The following CFAP65 variants were observed in gnomAD, a reference collection of about 807,000 sequenced individuals.
The protein encoded by CFAP65 is cilia and flagella associated protein 65.
In CFAP65, 155 loss-of-function variants were observed where a neutral mutation model predicts 208.0. The ratio of observed to expected loss-of-function variants is 0.75; its 90% CI spans 0.65 to 0.85. The LOEUF is 0.85. Among genes scored for constraint, CFAP65 ranks in the 40% least tolerant of loss-of-function variants. CFAP65 has a pLI of 0.00. For synonymous variants in CFAP65, 970 were observed against 986.3 expected (o/e 0.98, Z 0.31); for missense variants, 2,294 against 2,451.3 (o/e 0.94, Z 1.36).
chr2:219,005,468 G>C lies in CFAP65; in HGVS notation c.5017C>G (p.Gln1673Glu), dbSNP rs1416671915. 5.6e-6 allele frequency: 9 copies of C among 1,613,676 alleles called. No individual in the cohort carries two copies. Among genetic ancestry groups the C allele is most frequent in the Non-Finnish European group, 7.6e-6 (9 of 1,179,972 alleles). Residue 1673 changes from glutamine to glutamate, a missense_variant, in exon 32 of 35, where the codon CAG (glutamine) becomes GAG (glutamate). Physicochemically the swap from Gln to Glu is conservative, Grantham distance 29. Around this residue, in one of 2 missense-constraint regions of CFAP65, gnomAD observed 1,427 missense variants for 1,438.7 expected, o/e 0.99. Transcript: ENST00000341552. ...KWGPVSKQKK[Q>E]LLVDILTTII... ...GTGGTGAGAATGTCAACCAGGAGCT[G>C]CTTCTTCTGCTTGGAAACAGGGCCC...
rs1170134575 is a variant in CFAP65 at position 219,013,283 on chromosome 2, A to C, written c.3933T>G (p.Ile1311Met). 1 of 1,613,812 alleles carries C rather than the reference A, an allele frequency of 6.2e-7. No individual in the cohort carries two copies. The highest frequency in any genetic ancestry group is 2.2e-5 in the East Asian group (1 of 44,884). ...STTHQFIPIP[I>M]GDTLPPRQIY... The stretch of plus-strand genomic sequence containing the variant: ...CCTGCCGTGGGGGTAGCGTGTCACC[A>C]ATGGGAATGGGGATGAACTGGTGGG... The change falls in exon 24 of 35, where the codon ATT becomes ATG. Residue 1311 changes from isoleucine to methionine, a missense_variant. Physicochemically the swap from Ile to Met is conservative, Grantham distance 10. This residue lies in a region of CFAP65 where 1,427 missense variants were observed against 1,438.7 expected (regional missense o/e 0.99). Transcript: ENST00000341552.
Position 219,027,986 on chromosome 2 carries a change from C to T in CFAP65, c.1875G>A (p.Pro625=), listed in dbSNP as rs1371061656. 2.4e-5 allele frequency: 36 copies of T among 1,518,202 alleles called. No homozygotes were observed. In the East Asian group the frequency reaches 4.1e-4, roughly 17 times the overall value. 94.0% of individuals were successfully genotyped at this position (1,518,202 alleles called of 1,614,324 possible). Residue 625 remains proline (P), a synonymous_variant, in exon 13 of 35, where the codon CCG becomes CCA. Coordinates refer to ENST00000341552, the MANE Select transcript of CFAP65 (RefSeq NM_194302.4). The stretch of plus-strand genomic sequence containing the variant: ...TCATGGGGGGGATATAAGGGTACTG[C>T]GGGGCCGGCATGTCCTCCAGATCCT... ...PIQDLEDMPA[P]QYPYIPPMTE... is the part of the protein sequence containing the mutation.
chr2:219,017,932 C>T (rs1047494187), intron 21 of CFAP65, among the ~76,000 whole-genome samples: 1 of 152,138 alleles, frequency 6.6e-6, no homozygotes, highest in Non-Finnish European at 1.5e-5. Flanking sequence ...CCCTCAGTTA[C>T]TCACAGTTCT....
chr2:219,024,238 C>G lies in CFAP65; in HGVS notation c.2372G>C (p.Gly791Ala). 6.2e-7 allele frequency: 1 copy of G among 1,613,168 alleles called. No homozygotes were observed. Among genetic ancestry groups the G allele is most frequent in the Non-Finnish European group, 8.5e-7 (1 of 1,179,822 alleles). The change falls in exon 15 of 35, where the codon GGT becomes GCT. Residue 791 changes from glycine (G) to alanine (A), a missense_variant. Physicochemically the swap from Gly to Ala is moderately conservative, Grantham distance 60. Around this residue, in one of 2 missense-constraint regions of CFAP65, gnomAD observed 1,427 missense variants for 1,438.7 expected, o/e 0.99. Transcript: ENST00000341552. ...GAGCAGGCTGCGGTAGGTGGGCTCA[C>G]CGGAGGACACTGCTGGAAATAGCTG... ...VPKLFPAVSS[G>A]EPTYRSLLLV...
chr2:219,033,758 A>C (rs1480949574), intron 5 of CFAP65: 1 of 152,122 alleles, frequency 6.6e-6, no homozygotes, highest in African/African-American at 2.4e-5. Context: ...CTCTATAACC[A>C]CTTCTGTTCA....
chr2:219,035,683 G>GAAGGGGGAGCAGA lies in CFAP65; in HGVS notation c.358-32_358-20dup. On this transcript the variant is annotated intron_variant, in intron 4 of 34. Transcript: ENST00000341552. Reference sequence around the variant, plus strand: ...TTGCGGGCTGTTCAGGTGGCAGGGAGAAGGGGGAGCAGAAAGGATGTATCA... The same window carrying GAAGGGGGAGCAGA: ...TTGCGGGCTGTTCAGGTGGCAGGGAGAAGGGGGAGCAGAAAGGGGGAGCAGAAAGGATGTATCA... The GAAGGGGGAGCAGA allele has an allele frequency of 6.3e-7, 1 of 1,598,868 alleles. No homozygotes were observed. The highest frequency in any genetic ancestry group is 8.5e-7 in the Non-Finnish European group (1 of 1,171,142).
At position 219,010,536 on chromosome 2, in the gene CFAP65, C is replaced by A; in HGVS notation, c.4308+10G>T. The A allele has an allele frequency of 6.2e-7, 1 of 1,605,618 alleles. No individual in the cohort carries two copies. Among genetic ancestry groups the A allele is most frequent in the South Asian group, 1.1e-5 (1 of 89,524 alleles). Reference sequence around the variant, plus strand: ...AAGGCCTCAGGCCTTCCTAGCTCCCCTTTCCCCACCTGTCCAGGCACCACC... The same window carrying A: ...AAGGCCTCAGGCCTTCCTAGCTCCCATTTCCCCACCTGTCCAGGCACCACC... On this transcript the variant is annotated intron_variant, in intron 26 of 34. Transcript: ENST00000341552.
chr2:219,007,889 G>A (rs1052316197), intron 29 of CFAP65, among the ~76,000 whole-genome samples: 3 of 151,044 alleles, frequency 2.0e-5, no homozygotes, highest in East Asian at 1.9e-4. Flanking sequence ...TATGATCTCC[G>A]CTCACTGCAA....
Position 219,010,097 on chromosome 2 carries a change from G to A in CFAP65, c.4309-12C>T, listed in dbSNP as rs779671815. The A allele has an allele frequency of 6.4e-7, 1 of 1,574,706 alleles. No homozygotes were observed. The highest frequency in any genetic ancestry group is 1.2e-5 in the South Asian group (1 of 85,668). On this transcript the variant is annotated splice_polypyrimidine_tract_variant and intron_variant, in intron 26 of 34. Coordinates refer to ENST00000341552, the MANE Select transcript of CFAP65 (RefSeq NM_194302.4). ...GACAGGAAGACATTCTGTGGGTGGA[G>A]AGCGGAGGTAAAGAAATAAGAACCG...
rs748501871 is a variant in CFAP65, at chr2:219,010,110, G to A, written c.4309-25C>T. On this transcript the variant is annotated intron_variant, in intron 26 of 34. Coordinates refer to ENST00000341552, the MANE Select transcript of CFAP65 (RefSeq NM_194302.4). The stretch of plus-strand genomic sequence containing the variant: ...TCTGTGGGTGGAGAGCGGAGGTAAA[G>A]AAATAAGAACCGGCCAGGCATGGTG... 23 of 1,562,276 alleles carry A rather than the reference G, an allele frequency of 1.5e-5. No homozygotes were observed. The Admixed American group carries it at 3.9e-4, about 27-fold the overall frequency.
chr2:219,013,853 G>T lies in CFAP65; in HGVS notation c.3779+15C>A, dbSNP rs201781037. ...TATGACTGGAAGTGCAGGGGGTTTG[G>T]GGGGTGGGGAACACCTGTATTTTAA... On this transcript the variant is annotated intron_variant, in intron 22 of 34. Coordinates refer to ENST00000341552, the MANE Select transcript of CFAP65 (RefSeq NM_194302.4). 4.6e-5 allele frequency: 72 copies of T among 1,574,062 alleles called. No individual in the cohort carries two copies. In the Middle Eastern group the frequency reaches 7.1e-4, roughly 16 times the overall value.
chr2:219,026,753 G>A, intron 13 of CFAP65: 1 of 985,100 alleles, frequency 1.0e-6, no homozygotes, highest in Non-Finnish European at 1.2e-6. Flanking sequence ...GGCTGTCAGT[G>A]GCTGTACTGG....
Position 219,004,221 on chromosome 2 carries a change from C to A in CFAP65, c.5286G>T (p.Glu1762Asp), listed in dbSNP as rs146675518. 2.5e-6 allele frequency: 4 copies of A among 1,614,070 alleles called. No homozygotes were observed. Among genetic ancestry groups the A allele is most frequent in the Non-Finnish European group, 3.4e-6 (4 of 1,180,026 alleles). ...CCTCTTCACCCTTCTCCTCCTCCCC[C>A]TCTTCCTTCTTTCCCAACCCTGGAT... ...EHYPGLGKKE[E>D]GEEEKGEEEE... Residue 1762 changes from glutamate to aspartate, a missense_variant, in exon 33 of 35, where the codon GAG becomes GAT. Coordinates refer to ENST00000341552, the MANE Select transcript of CFAP65 (RefSeq NM_194302.4). This position sits in a 1 kb window ranked among gnomAD's most constrained non-coding sequence, Gnocchi z 4.7.
chr2:219,019,205 A>G (rs1947107503), intron 20 of CFAP65, 26 bp from the exon 21 acceptor site: 1 of 1,596,258 alleles, frequency 6.3e-7, no homozygotes, highest in Admixed American at 1.7e-5. Flanking sequence ...AAAGGGGTTC[A>G]GAGATGGGGA....
At position 219,003,280 on chromosome 2, in the gene CFAP65, G is replaced by T; in HGVS notation, c.5556-8C>A. 3 of 1,525,970 alleles carry T rather than the reference G, an allele frequency of 2.0e-6. No homozygotes were observed. The highest frequency in any genetic ancestry group is 2.6e-6 in the Non-Finnish European group (3 of 1,134,408). 94.5% of individuals were successfully genotyped at this position (1,525,970 alleles called of 1,614,324 possible). ...TTGGCGAAGGCCGGGAGCCTGCGAG[G>T]GGGCGGGGGCTAGCATGAGGGCGGC... On this transcript the variant is annotated splice_polypyrimidine_tract_variant and splice_region_variant and intron_variant, in intron 33 of 34. Coordinates refer to ENST00000341552, the MANE Select transcript of CFAP65 (RefSeq NM_194302.4). The surrounding 1 kb of genome is among the most constrained non-coding windows in gnomAD (Gnocchi z 4.4).
At position 219,003,302 on chromosome 2, in the gene CFAP65, C is replaced by A. The variant is rs1041352803; in HGVS notation, c.5556-30G>T. 28 of 1,491,578 alleles carry A rather than the reference C, an allele frequency of 1.9e-5. 1 individual carries two copies. In the Middle Eastern group the frequency reaches 1.8e-3, roughly 96 times the overall value. The allele number at this position is 1,491,578 out of a possible 1,614,324, so 92.4% of individuals were successfully genotyped here. A position where few individuals can be genotyped will look rare whatever the true frequency, so the allele number is the denominator to read the frequency against. ...GAGGGGGCGGGGGCTAGCATGAGGGCGGCCGCAGTGCCCGCGCGCCTCCTC... is the reference window on the plus strand; with the variant it reads ...GAGGGGGCGGGGGCTAGCATGAGGGAGGCCGCAGTGCCCGCGCGCCTCCTC... On this transcript the variant is annotated intron_variant, in intron 33 of 34. Coordinates refer to ENST00000341552, the MANE Select transcript of CFAP65 (RefSeq NM_194302.4). The surrounding 1 kb of genome is among the most constrained non-coding windows in gnomAD (Gnocchi z 4.4).
chr2:219,032,606 T>C lies in CFAP65; in HGVS notation c.543-34A>G, dbSNP rs1948125135. 6.5e-7 allele frequency: 1 copy of C among 1,546,734 alleles called. No homozygotes were observed. Among genetic ancestry groups the C allele is most frequent in the South Asian group, 1.2e-5 (1 of 84,332 alleles). Reference sequence around the variant, plus strand: ...GAGAGCCGGTGGGGAGCACCTCAGATCAGGGCTCAGAACAACTGGAAGAGG... The same window carrying C: ...GAGAGCCGGTGGGGAGCACCTCAGACCAGGGCTCAGAACAACTGGAAGAGG... On this transcript the variant is annotated intron_variant, in intron 5 of 34. Transcript: ENST00000341552. This position sits in a 1 kb window ranked among gnomAD's most constrained non-coding sequence, Gnocchi z 5.5.
rs1559170930 is a variant in CFAP65 at position 219,040,507 on chromosome 2, C to A, written c.-3+12G>T. On this transcript the variant is annotated intron_variant, in intron 2 of 34. Coordinates refer to ENST00000341552, the MANE Select transcript of CFAP65 (RefSeq NM_194302.4). ...TGTGCTAGGCACCAGACAAGGCAGGCAAGGCTCCTACCTCCAATTGTGAAC... is the reference window on the plus strand; with the variant it reads ...TGTGCTAGGCACCAGACAAGGCAGGAAAGGCTCCTACCTCCAATTGTGAAC... 5.8e-6 allele frequency: 8 copies of A among 1,379,248 alleles called. No individual in the cohort carries two copies. The highest frequency in any genetic ancestry group is 8.1e-6 in the Non-Finnish European group (8 of 990,156). The allele number at this position is 1,379,248 out of a possible 1,614,324, so 85.4% of individuals were successfully genotyped here.
intron 14 of CFAP65, among the ~76,000 whole-genome samples, chr2:219,025,062 A>T (rs1670501478): frequency 1.3e-5 from 2 of 152,252 alleles, no homozygotes; most frequent in African/African-American, 4.8e-5. Context: ...GGCCAGCACC[A>T]GCTGAGAGCT....
Sources: gnomAD v4.1 joint callset for allele counts (sites outside exome capture counted in the v4.1 genomes callset) on GRCh38, gnomAD v4.1.1 for gene constraint, gnomAD v4.1.1 regional missense constraint, Gnocchi (gnomAD v3.1) non-coding constraint, MANE v1.5 for transcripts, NCBI Gene and HGNC (gene_info 2026-07-23, HGNC 2026-07-21) for gene names.